DNAH3: variants seen among roughly 807,000 people sequenced by gnomAD.
The protein encoded by DNAH3 is axonemal beta dynein heavy chain 3.
In DNAH3, 332 loss-of-function variants were observed where a neutral mutation model predicts 432.5. The ratio of observed to expected loss-of-function variants is 0.77; its 90% CI spans 0.70 to 0.84. The LOEUF (loss-of-function observed/expected upper bound fraction) is 0.84. DNAH3 is among the 40% of genes least tolerant of loss of function. The probability of loss-of-function intolerance (pLI) is 0.00; values close to 1 mark genes in which losing one functional copy is unlikely to be tolerated. For missense variants in DNAH3, 4,861 were observed against 5,114.0 expected (o/e 0.95, Z 1.51); for synonymous variants, 1,956 against 1,900.2 (o/e 1.03, Z -0.76).
intron 43 of DNAH3, 104 bp from the exon 44 acceptor site, chr16:20,997,566 G>A: frequency 2.2e-6 from 3 of 1,335,848 alleles, no homozygotes; most frequent in Non-Finnish European, 2.1e-6. Flanking sequence ...CTGTTCCCAG[G>A]TTTCCATTCC....
At chr16:20,969,206 G>A (rs1180709255) in intron 52 of DNAH3, among the ~76,000 whole-genome samples, 1 of 150,744 alleles carries the variant, frequency 6.6e-6, no homozygotes, top group African/African-American at 2.4e-5. Flanking sequence ...CTGTATGTAT[G>A]CATGTCTGCA....
chr16:21,032,410 G>A (rs75660821), intron 36 of DNAH3, among the ~76,000 whole-genome samples: 5,561 of 152,180 alleles, frequency 0.037, 342 homozygotes, highest in African/African-American at 0.13. Context: ...CGTACAGGCT[G>A]ATGGATGGCA....
intron 41 of DNAH3, among the ~76,000 whole-genome samples, chr16:21,006,098 A>G (rs1235759888): frequency 6.6e-6 from 1 of 152,156 alleles, no homozygotes. Flanking sequence ...TTTGGTCTCC[A>G]TATCAATTGT....
At chr16:21,047,865 CCTTT>C (rs1314273000) in intron 31 of DNAH3, among the ~76,000 whole-genome samples, 1 of 150,468 alleles carries the variant, frequency 6.6e-6, no homozygotes, top group Non-Finnish European at 1.5e-5. Flanking sequence ...GTGTGGATGT[CCTTT>C]CTGTTTGTTA....
intron 51 of DNAH3, among the ~76,000 whole-genome samples, chr16:20,974,030 GTTTGTT>G (rs2085464393): frequency 6.6e-6 from 1 of 151,996 alleles, no homozygotes; most frequent in South Asian, 2.1e-4. Context: ...CTTTTTGTTT[GTTTGTT>G]TTTGAGACTG....
intron 27 of DNAH3, among the ~76,000 whole-genome samples, chr16:21,055,568 T>A (rs1040279621): frequency 1.3e-5 from 2 of 151,966 alleles, no homozygotes; most frequent in African/African-American, 4.8e-5. Flanking sequence ...TATTTATAAG[T>A]TTCATGTTAT....
chr16:20,954,526 G>T (rs544481764), intron 55 of DNAH3, among the ~76,000 whole-genome samples: 4 of 152,042 alleles, frequency 2.6e-5, no homozygotes, highest in African/African-American at 9.6e-5. Context: ...CTGGCCTCAA[G>T]GATTCTGCCT....
At chr16:20,991,828 T>C (rs898794167) in intron 44 of DNAH3, among the ~76,000 whole-genome samples, 2 of 152,224 alleles carry the variant, frequency 1.3e-5, no homozygotes, top group South Asian at 4.1e-4. Flanking sequence ...TGTTCTTTCA[T>C]TGGAAAGTAC....
At chr16:20,994,838 ATG>A (rs2086696137) in intron 44 of DNAH3, among the ~76,000 whole-genome samples, 1 of 151,152 alleles carries the variant, frequency 6.6e-6, no homozygotes, top group African/African-American at 2.4e-5. Context: ...ATGTTGTAAC[ATG>A]TCTTTTTTTT....
rs1422885286 is a variant in DNAH3, at chr16:21,056,513, C to T, written c.3924+1573G>A. ...CAGTTCTGTAAAAGAGCCTTTTTCT[C>T]TCTCCCACTAGACTATAAATCCATG... On this transcript the variant is annotated intron_variant, in intron 27 of 61. Transcript: ENST00000261383. Among the ~76,000 whole-genome samples, 3 of 150,150 alleles carry T rather than the reference C, an allele frequency of 2.0e-5. No individual in the cohort carries two copies. In the Admixed American group the frequency reaches 2.0e-4, roughly 10 times the overall value.
At chr16:21,046,088 C>T (rs1259065208) in intron 31 of DNAH3, among the ~76,000 whole-genome samples, 1 of 149,450 alleles carries the variant, frequency 6.7e-6, no homozygotes, top group Non-Finnish European at 1.5e-5. Context: ...GAGAGCTTTA[C>T]TTCCCAGTAT....
At chr16:20,983,092 C>T (rs2096258795) in intron 48 of DNAH3, among the ~76,000 whole-genome samples, 1 of 151,874 alleles carries the variant, frequency 6.6e-6, no homozygotes, top group African/African-American at 2.4e-5. Flanking sequence ...TTGTGAGGAG[C>T]CCATTACAAT....
At chr16:20,970,634 G>C (rs181005899) in intron 51 of DNAH3, among the ~76,000 whole-genome samples, 66 of 152,266 alleles carry the variant, frequency 4.3e-4, no homozygotes, top group African/African-American at 1.5e-3. Flanking sequence ...CATGAAAAGA[G>C]CAATCGGATT....
chr16:21,051,956 C>G lies in DNAH3; in HGVS notation c.4040-88G>C, dbSNP rs190066012. 2.4e-3 allele frequency: 2,523 copies of G among 1,037,994 alleles called. 11 individuals are homozygous for G. The highest frequency in any genetic ancestry group is 5.0e-3 in the Middle Eastern group (23 of 4,610). The allele number at this position is 1,037,994 out of a possible 1,614,324, so 64.3% of individuals were successfully genotyped here. A position where few individuals can be genotyped will look rare whatever the true frequency, so the allele number is the denominator to read the frequency against. On this transcript the variant is annotated intron_variant, in intron 28 of 61. Coordinates refer to ENST00000261383, the Ensembl canonical transcript of DNAH3. Reference sequence around the variant, plus strand: ...CTCCTCAGTTACAAGTGGATGTTATCAAGGTCCCCCATTCTCCAAACTATT... The same window carrying G: ...CTCCTCAGTTACAAGTGGATGTTATGAAGGTCCCCCATTCTCCAAACTATT...
chr16:20,989,214 T>C (rs1231733876), intron 44 of DNAH3, among the ~76,000 whole-genome samples: 1 of 152,202 alleles, frequency 6.6e-6, no homozygotes, highest in Non-Finnish European at 1.5e-5. Context: ...AGGGTGCTGA[T>C]TGGTGCATTT....
chr16:20,959,600 T>C (rs1293098134), intron 53 of DNAH3, among the ~76,000 whole-genome samples, 196 bp from the exon 54 acceptor site: 1 of 142,452 alleles, frequency 7.0e-6, no homozygotes, highest in African/African-American at 2.7e-5. Flanking sequence ...TGAGACCTTG[T>C]CTCTATTTAA....
intron 52 of DNAH3, among the ~76,000 whole-genome samples, chr16:20,967,833 A>T (rs2085133574): frequency 6.6e-6 from 1 of 151,736 alleles, no homozygotes; most frequent in Non-Finnish European, 1.5e-5. Flanking sequence ...TAACCTCTCC[A>T]GGTGATTCTA....
intron 36 of DNAH3, among the ~76,000 whole-genome samples, chr16:21,032,525 C>T (rs917652487): frequency 6.6e-6 from 1 of 152,114 alleles, no homozygotes; most frequent in African/African-American, 2.4e-5. Context: ...TAAAGAACCA[C>T]CTCTGGGCCA....
exon 54 of DNAH3, chr16:20,959,302 T>C (rs749286385): frequency 2.1e-5 from 34 of 1,614,102 alleles, no homozygotes; most frequent in East Asian, 8.9e-5. Flanking sequence ...TTTGATGGCA[T>C]TGTTGATCAT....
Sources: gnomAD v4.1 joint callset for allele counts (sites outside exome capture counted in the v4.1 genomes callset) on GRCh38, gnomAD v4.1.1 for gene constraint, MANE v1.5 for transcripts, NCBI Gene and HGNC (gene_info 2026-07-23, HGNC 2026-07-21) for gene names.